TRUB2: variants seen among roughly 807,000 people sequenced by gnomAD.
TRUB2 encodes TruB pseudouridine synthase family member 2.
A neutral mutation model predicts 31.9 loss-of-function variants in TRUB2; 31 were observed. The ratio of observed to expected loss-of-function variants is 0.97; its 90% CI spans 0.73 to 1.31. TRUB2 has a LOEUF of 1.31. TRUB2 is among the 50% of genes most tolerant of loss of function. The probability of loss-of-function intolerance (pLI) is 0.00; values close to 1 mark genes in which losing one functional copy is unlikely to be tolerated. For missense variants in TRUB2, 451 were observed against 439.6 expected (o/e 1.03, Z -0.23); for synonymous variants, 201 against 182.6 (o/e 1.10, Z -0.81).
At chr9:128,316,987 T>C in intron 3 of TRUB2, 165 bp downstream of exon 3, 1 of 605,122 alleles carries the variant, frequency 1.7e-6, no homozygotes, top group Non-Finnish European at 2.9e-6. Flanking sequence ...ATTACCTCCG[T>C]CCCACCTATC....
chr9:128,313,125 G>A (rs1832002336), intron 5 of TRUB2, among the ~76,000 whole-genome samples: 1 of 151,996 alleles, frequency 6.6e-6, no homozygotes, highest in Non-Finnish European at 1.5e-5. Flanking sequence ...GCTGAGGCAG[G>A]AGAATTGCTT....
chr9:128,315,429 G>A (rs1031665954), intron 4 of TRUB2, 138 bp downstream of exon 4: 28 of 750,718 alleles, frequency 3.7e-5, no homozygotes, highest in Non-Finnish European at 5.8e-5. Flanking sequence ...TACAGCCCCT[G>A]CACAGCACAC....
chr9:128,317,516 T>C lies in TRUB2; in HGVS notation c.242-290A>G, dbSNP rs1229083327. ...TGAAGGTCAAGAGTGCGGGGTTCCC[T>C]GCCCAGCTCTACTGAGGAAGAGTCC... is the stretch of plus-strand genomic sequence containing the variant. On this transcript the variant is annotated intron_variant, in intron 2 of 7. Coordinates refer to ENST00000372890, the MANE Select transcript of TRUB2 (RefSeq NM_015679.3). Among the ~76,000 whole-genome samples, 3 of 152,210 alleles carry C rather than the reference T, an allele frequency of 2.0e-5. No homozygotes were observed. In the East Asian group the frequency reaches 5.8e-4, roughly 29 times the overall value.
intron 7 of TRUB2, among the ~76,000 whole-genome samples, 199 bp downstream of exon 7, chr9:128,310,688 T>G (rs1010462849): frequency 6.6e-6 from 1 of 152,174 alleles, no homozygotes; most frequent in Admixed American, 6.5e-5. Context: ...GCTTTTGTTC[T>G]GCGAGCTCTG....
intron 2 of TRUB2, 113 bp downstream of exon 2, chr9:128,321,486 C>T (rs1760110371): frequency 1.3e-6 from 2 of 1,553,610 alleles, no homozygotes; most frequent in East Asian, 2.3e-5. Flanking sequence ...TAATACCTCA[C>T]TCCTCTGTGG....
Position 128,310,927 on chromosome 9 carries a change from G to A in TRUB2, c.630C>T (p.Gly210=), listed in dbSNP as rs1015671138. ...PMNKSPMLIT[G]IRCLYFAPPE... is the part of the protein sequence containing the mutation. ...GAGGTGCAAAGTAGAGGCATCGGATGCCAGTTATCAGCATCGGGGACTTGT... is the reference window on the plus strand; with the variant it reads ...GAGGTGCAAAGTAGAGGCATCGGATACCAGTTATCAGCATCGGGGACTTGT... The change falls in exon 7 of 8, where the codon GGC becomes GGT. Residue 210 remains glycine (G), a synonymous_variant. Coordinates refer to ENST00000372890, the MANE Select transcript of TRUB2 (RefSeq NM_015679.3). 9 of 1,614,238 alleles carry A rather than the reference G, an allele frequency of 5.6e-6. No homozygotes were observed. Among genetic ancestry groups the A allele is most frequent in the Non-Finnish European group, 7.6e-6 (9 of 1,180,038 alleles).
intron 3 of TRUB2, 180 bp downstream of exon 3, chr9:128,316,972 C>G (rs1832079293): frequency 5.2e-6 from 3 of 581,804 alleles, no homozygotes; most frequent in Non-Finnish European, 6.1e-6. Flanking sequence ...TGGTATTAAC[C>G]TGTGATTACC....
chr9:128,315,664 C>T (rs374070194), intron 3 of TRUB2, 36 bp from the exon 4 acceptor site: 2 of 1,604,492 alleles, frequency 1.2e-6, no homozygotes, highest in Non-Finnish European at 1.7e-6. Flanking sequence ...CACCTGGGAC[C>T]CCCTTCCCAT....
At chr9:128,321,145 G>A (rs1195758965) in intron 2 of TRUB2, among the ~76,000 whole-genome samples, 10 of 152,196 alleles carry the variant, frequency 6.6e-5, no homozygotes, top group Admixed American at 5.2e-4. Context: ...ATTCAACACA[G>A]TACTAGGTGC....
chr9:128,317,128 C>A, intron 3 of TRUB2, 24 bp downstream of exon 3: 1 of 1,556,364 alleles, frequency 6.4e-7, no homozygotes. Flanking sequence ...ATCACTGTAC[C>A]CCCAGGCTTC....
At position 128,317,167 on chromosome 9, in the gene TRUB2, C is replaced by T; in HGVS notation, c.301G>A (p.Ala101Thr). 6.3e-7 allele frequency: 1 copy of T among 1,585,186 alleles called. No homozygotes were observed. Among genetic ancestry groups the T allele is most frequent in the Non-Finnish European group, 8.6e-7 (1 of 1,163,646 alleles). ...CATCACCTACCAAGTACTCCAGAAG[C>T]CTGGGCATCCAACCGATGTCCCACG... ...VGVGHRLDAQ[A>T]SGVLVLGVGH... Residue 101 changes from alanine (A) to threonine (T), a missense_variant, in exon 3 of 8, where the codon GCT (alanine) becomes ACT (threonine). Ala to Thr is a moderately conservative substitution (Grantham distance 58, BLOSUM62 0). Transcript: ENST00000372890.
rs1336204388 is a variant in TRUB2, at chr9:128,305,989, C to A, written c.*3561G>T. Reference sequence around the variant, plus strand: ...CTGGGATTACAGGCATGAGCCGCCACACCCAGCAGAATTTTAATTTAAAAG... The same window carrying A: ...CTGGGATTACAGGCATGAGCCGCCAAACCCAGCAGAATTTTAATTTAAAAG... On this transcript the variant is annotated 3_prime_UTR_variant, in exon 8 of 8. Coordinates refer to ENST00000372890, the MANE Select transcript of TRUB2 (RefSeq NM_015679.3). 6.6e-6 allele frequency: 1 copy of A among 152,190 alleles called. No homozygotes were observed. Among genetic ancestry groups the A allele is most frequent in the East Asian group, 1.9e-4 (1 of 5,200 alleles). The allele number at this position is 152,190 out of a possible 1,614,324, so 9.4% of individuals were successfully genotyped here. A position where few individuals can be genotyped will look rare whatever the true frequency, so the allele number is the denominator to read the frequency against.
intron 5 of TRUB2, 131 bp from the exon 6 acceptor site, chr9:128,311,732 G>T: frequency 1.1e-6 from 1 of 928,468 alleles, no homozygotes; most frequent in Non-Finnish European, 1.7e-6. Flanking sequence ...CCCATGGCGG[G>T]GTGGTTGGGA....
chr9:128,315,645 G>A lies in TRUB2; in HGVS notation c.317-17C>T, dbSNP rs369907749. The stretch of plus-strand genomic sequence containing the variant: ...CGCCGAGCACTGAAAAGCAGCCAGC[G>A]TCATCTCACACCTGGGACCCCCTTC... On this transcript the variant is annotated splice_polypyrimidine_tract_variant and intron_variant, in intron 3 of 7. Transcript: ENST00000372890. 140 of 1,611,488 alleles carry A rather than the reference G, an allele frequency of 8.7e-5. No homozygotes were observed. The highest frequency in any genetic ancestry group is 1.0e-4 in the Non-Finnish European group (121 of 1,178,860).
chr9:128,315,230 A>T (rs1273375264), intron 4 of TRUB2, among the ~76,000 whole-genome samples: 1 of 152,134 alleles, frequency 6.6e-6, no homozygotes, highest in Non-Finnish European at 1.5e-5. Flanking sequence ...TAAAGCCCTA[A>T]CAACTACATG....
At chr9:128,318,528 C>CTTGTT (rs1042146545) in intron 2 of TRUB2, among the ~76,000 whole-genome samples, 13 of 151,170 alleles carry the variant, frequency 8.6e-5, no homozygotes, top group East Asian at 2.0e-4. Context: ...TGTGTGTTTG[C>CTTGTT]TTGTTTTGTT....
At chr9:128,317,059 G>A in intron 3 of TRUB2, 93 bp downstream of exon 3, 1 of 1,127,436 alleles carries the variant, frequency 8.9e-7, no homozygotes, top group Non-Finnish European at 1.3e-6. Flanking sequence ...GTGGGACGTG[G>A]GTGCCAGGTA....
rs925154065 is a variant in TRUB2, at chr9:128,311,030, A to T, written c.534-7T>A. The T allele has an allele frequency of 1.2e-6, 2 of 1,611,280 alleles. No individual in the cohort carries two copies. The highest frequency in any genetic ancestry group is 1.7e-6 in the Non-Finnish European group (2 of 1,179,112). ...CAGGTCGAGGTTGGAGTACCTGCAG[A>T]TCAGGAAGGGGGCTGCAGCTGGGTG... On this transcript the variant is annotated splice_polypyrimidine_tract_variant and splice_region_variant and intron_variant, in intron 6 of 7. Coordinates refer to ENST00000372890, the MANE Select transcript of TRUB2 (RefSeq NM_015679.3).
At chr9:128,315,735 A>G in intron 3 of TRUB2, 107 bp from the exon 4 acceptor site, 1 of 1,324,948 alleles carries the variant, frequency 7.5e-7, no homozygotes, top group Non-Finnish European at 1.1e-6. Context: ...TGATGCTGCC[A>G]AAGGCAACAA....
Sources: allele counts gnomAD v4.1 joint callset (sites outside exome capture counted in the v4.1 genomes callset), GRCh38; gene constraint gnomAD v4.1.1; transcripts MANE v1.5; gene names NCBI Gene and HGNC (gene_info 2026-07-23, HGNC 2026-07-21).